IKZF3: variants seen among roughly 807,000 people sequenced by gnomAD.
The protein encoded by IKZF3 is IKAROS family zinc finger 3.
In IKZF3, 10 loss-of-function variants were observed where a neutral mutation model predicts 49.0. The ratio of observed to expected loss-of-function variants is 0.20; its 90% CI spans 0.13 to 0.35. IKZF3 has a LOEUF of 0.35. Ranked by LOEUF, IKZF3 falls within the 10% of genes least tolerant of loss-of-function variation. The probability of loss-of-function intolerance (pLI) is 1.00; values close to 1 mark genes in which losing one functional copy is unlikely to be tolerated. For missense variants in IKZF3, 498 were observed against 664.8 expected, an observed-to-expected ratio of 0.75 and a Z score of 2.76; for synonymous variants, 209 against 228.2, an observed-to-expected ratio of 0.92 and a Z score of 0.76.
At chr17:39,859,664 C>T (rs902221031) in intron 1 of IKZF3, among the ~76,000 whole-genome samples, 7 of 152,186 alleles carry the variant, frequency 4.6e-5, no homozygotes, top group Non-Finnish European at 7.4e-5. Flanking sequence ...GCTAGGATTA[C>T]AGGCGTGAGC....
intron 1 of IKZF3, among the ~76,000 whole-genome samples, chr17:39,836,376 G>C (rs1384708519): frequency 6.6e-6 from 1 of 152,182 alleles, no homozygotes; most frequent in East Asian, 1.9e-4. Flanking sequence ...CGGGGCCAGA[G>C]GTGGACACCC....
At chr17:39,813,216 C>T (rs1262633466) in intron 3 of IKZF3, among the ~76,000 whole-genome samples, 1 of 151,714 alleles carries the variant, frequency 6.6e-6, no homozygotes, top group Non-Finnish European at 1.5e-5. Flanking sequence ...TTCTGTTAAC[C>T]ATTGCAACTG....
chr17:39,785,127 A>C (rs1510475), intron 6 of IKZF3, among the ~76,000 whole-genome samples: 8,740 of 152,280 alleles, frequency 0.057, 385 homozygotes, highest in African/African-American at 0.12. Flanking sequence ...TCCCAATTCT[A>C]AGAAGGAAAC....
chr17:39,804,018 T>A (rs915549075), intron 3 of IKZF3, among the ~76,000 whole-genome samples: 9 of 152,230 alleles, frequency 5.9e-5, no homozygotes, highest in African/African-American at 2.2e-4. Context: ...GTATATAGCA[T>A]GTTTTGTGTT....
At chr17:39,855,047 C>T (rs1186014696) in intron 1 of IKZF3, among the ~76,000 whole-genome samples, 4 of 152,110 alleles carry the variant, frequency 2.6e-5, no homozygotes, top group Non-Finnish European at 2.9e-5. Flanking sequence ...AAACATGTAA[C>T]GGTCTAAATC....
At chr17:39,791,944 A>G (rs1598020300) in intron 4 of IKZF3, among the ~76,000 whole-genome samples, 1 of 128,224 alleles carries the variant, frequency 7.8e-6, no homozygotes, top group Admixed American at 9.4e-5. Flanking sequence ...CTCAGGCTGG[A>G]GTGCAATGGT....
In IKZF3 at chr17:39,791,519, G is replaced by T; in HGVS notation, c.489C>A (p.Arg163=). Residue 163 remains arginine, a synonymous_variant, in exon 5 of 8, where the codon CGC becomes CGA. Transcript: ENST00000346872. ...ASFTQKGNLL[R]HIKLHTGEKP... is the part of the protein sequence containing the mutation. ...TTTCCCCTGTGTGCAGTTTAATGTG[G>T]CGGAGGAGGTTACCTTTCTGAGTAA... 1.2e-6 allele frequency: 2 copies of T among 1,614,066 alleles called. No homozygotes were observed. Among genetic ancestry groups the T allele is most frequent in the Non-Finnish European group, 1.7e-6 (2 of 1,179,990 alleles).
chr17:39,835,857 C>T, intron 1 of IKZF3: 3 of 607,950 alleles, frequency 4.9e-6, no homozygotes, highest in Middle Eastern at 5.1e-4. Context: ...TGTATGCTTA[C>T]TGATCTCATC....
At chr17:39,862,430 G>C (rs2063238794) in intron 1 of IKZF3, among the ~76,000 whole-genome samples, 1 of 151,936 alleles carries the variant, frequency 6.6e-6, no homozygotes, top group South Asian at 2.1e-4. Flanking sequence ...CTCTAATCTA[G>C]ACTGAGATCA....
intron 3 of IKZF3, among the ~76,000 whole-genome samples, chr17:39,814,846 G>C (rs965231298): frequency 6.6e-6 from 1 of 152,146 alleles, no homozygotes; most frequent in African/African-American, 2.4e-5. Flanking sequence ...TGACAAACTG[G>C]TGTTTTGTCA....
At chr17:39,806,772 T>C (rs1257861950) in intron 3 of IKZF3, among the ~76,000 whole-genome samples, 1 of 152,166 alleles carries the variant, frequency 6.6e-6, no homozygotes, top group African/African-American at 2.4e-5. Flanking sequence ...TGATTGCTTC[T>C]AATGAAAAAA....
Position 39,765,517 on chromosome 17 carries a change from G to A in IKZF3, c.*273C>T, listed in dbSNP as rs567748854. 75 of 373,832 alleles carry A rather than the reference G, an allele frequency of 2.0e-4. 1 individual carries two copies. The highest frequency in any genetic ancestry group is 4.1e-4 in the East Asian group (9 of 21,790). 23.2% of individuals were successfully genotyped at this position (373,832 alleles called of 1,614,324 possible). A position where few individuals can be genotyped will look rare whatever the true frequency, so the allele number is the denominator to read the frequency against. ...GACCACTCATTCCACTGCTGTAGAA[G>A]ATAATGACCAAATACCTTTTTGGCT... is the stretch of plus-strand genomic sequence containing the variant. On this transcript the variant is annotated 3_prime_UTR_variant, in exon 8 of 8. Transcript: ENST00000346872.
chr17:39,772,383 A>G (rs1376653966), intron 7 of IKZF3, among the ~76,000 whole-genome samples: 1 of 152,228 alleles, frequency 6.6e-6, no homozygotes, highest in Non-Finnish European at 1.5e-5. Flanking sequence ...AAAGTTCTTC[A>G]AGTCACTTAA....
intron 1 of IKZF3, among the ~76,000 whole-genome samples, chr17:39,848,044 T>C (rs1260471279): frequency 6.6e-6 from 1 of 152,160 alleles, no homozygotes; most frequent in Non-Finnish European, 1.5e-5. Context: ...AACAAAGACA[T>C]GCATTAAAGT....
At chr17:39,847,393 G>C (rs1480823239) in intron 1 of IKZF3, among the ~76,000 whole-genome samples, 2 of 151,962 alleles carry the variant, frequency 1.3e-5, no homozygotes, top group Non-Finnish European at 2.9e-5. Context: ...CCCCCTACTT[G>C]GGTTATACAG....
At chr17:39,800,288 T>C (rs538654454) in intron 3 of IKZF3, among the ~76,000 whole-genome samples, 1 of 152,342 alleles carries the variant, frequency 6.6e-6, no homozygotes, top group East Asian at 1.9e-4. Flanking sequence ...TCATAGACAC[T>C]GGTGAAAGTT....
intron 1 of IKZF3, among the ~76,000 whole-genome samples, chr17:39,836,551 C>T (rs2062289409): frequency 6.6e-6 from 1 of 152,186 alleles, no homozygotes; most frequent in African/African-American, 2.4e-5. Flanking sequence ...AGGTAGTTGA[C>T]AATGTCATTC....
At chr17:39,792,650 A>G (rs758986380) in intron 4 of IKZF3, 23 bp downstream of exon 4, 52 of 1,597,494 alleles carry the variant, frequency 3.3e-5, no homozygotes, top group Non-Finnish European at 4.4e-5. Flanking sequence ...TTTTCAGAAG[A>G]ATGAAAAAAG....
chr17:39,850,770 A>C (rs140448727), intron 1 of IKZF3, among the ~76,000 whole-genome samples: 6,201 of 76,084 alleles, frequency 0.082, 265 homozygotes, highest in African/African-American at 0.16. Context: ...ATTATATATA[A>C]TATATAGTAT....
Sources: gnomAD v4.1 joint callset for allele counts (sites outside exome capture counted in the v4.1 genomes callset) on GRCh38, gnomAD v4.1.1 for gene constraint, MANE v1.5 for transcripts, NCBI Gene and HGNC (gene_info 2026-07-23, HGNC 2026-07-21) for gene names.